LPCAT1: variants seen among roughly 807,000 people sequenced by gnomAD.
LPCAT1 encodes 1-acylglycerol-3-phosphate O-acyltransferase.
LPCAT1 carries 23 observed loss-of-function variants against 60.9 expected under a neutral mutation model. The observed-to-expected ratio is 0.38, with a 90% CI of 0.27 to 0.53. LPCAT1 has a LOEUF of 0.53. Ranked by LOEUF, LPCAT1 falls within the 20% of genes least tolerant of loss-of-function variation. The pLI is 0.82. For missense variants in LPCAT1, 622 were observed against 723.6 expected, an observed-to-expected ratio of 0.86 and a Z score of 1.61; for synonymous variants, 340 against 301.1, an observed-to-expected ratio of 1.13 and a Z score of -1.34.
At chr5:1,466,020 G>A (rs1401414294) in intron 13 of LPCAT1, among the ~76,000 whole-genome samples, 1 of 152,142 alleles carries the variant, frequency 6.6e-6, no homozygotes, top group Non-Finnish European at 1.5e-5. Context: ...GCTCTCTCGC[G>A]TGTCTTCTCG....
chr5:1,510,574 T>C (rs947876512), intron 1 of LPCAT1, among the ~76,000 whole-genome samples: 2 of 152,240 alleles, frequency 1.3e-5, no homozygotes, highest in East Asian at 3.8e-4. Flanking sequence ...CTGCACGGTG[T>C]TGAATGGGAT....
rs1736757918 is a variant in LPCAT1 at position 1,523,945 on chromosome 5, C to A, written c.-101G>T. On this transcript the variant is annotated 5_prime_UTR_variant, in exon 1 of 14. Coordinates refer to ENST00000283415, the MANE Select transcript of LPCAT1 (RefSeq NM_024830.5). The surrounding 1 kb of genome is among the most constrained non-coding windows in gnomAD (Gnocchi z 7.1). ...TCTCGGGGCGCGGGCCGAGGATGCG[C>A]GGCGGCTGGAGCGGGCCGGGCGCGC... The A allele has an allele frequency of 8.1e-6, 7 of 861,598 alleles. No homozygotes were observed. The highest frequency in any genetic ancestry group is 9.8e-6 in the Non-Finnish European group (7 of 715,918). 53.4% of individuals were successfully genotyped at this position (861,598 alleles called of 1,614,324 possible).
intron 13 of LPCAT1, among the ~76,000 whole-genome samples, chr5:1,465,305 C>T (rs1476426325): frequency 5.4e-5 from 7 of 129,682 alleles, no homozygotes; most frequent in African/African-American, 2.3e-4. Flanking sequence ...AACACATGTG[C>T]GCGCACACAC....
chr5:1,502,718 G>GAGACAC lies in LPCAT1; in HGVS notation c.136-1121_136-1116dup, dbSNP rs1736063764. Among the ~76,000 whole-genome samples the GAGACAC allele has an allele frequency of 1.3e-5, 2 of 152,098 alleles. No homozygotes were observed. The highest frequency in any genetic ancestry group is 4.8e-5 in the African/African-American group (2 of 41,408). On this transcript the variant is annotated intron_variant, in intron 1 of 13. Transcript: ENST00000283415. The surrounding 1 kb of genome is among the most constrained non-coding windows in gnomAD (Gnocchi z 5.5). ...TAGTGCAGAGACAGAAAAGACCCAG[G>GAGACAC]AGACACAGATCGCAGTTGGCTCCCC... is the stretch of plus-strand genomic sequence containing the variant.
At position 1,480,965 on chromosome 5, in the gene LPCAT1, T is replaced by C. The variant is rs751479027; in HGVS notation, c.738A>G (p.Thr246=). 5 of 1,613,794 alleles carry C rather than the reference T, an allele frequency of 3.1e-6. No homozygotes were observed. The highest frequency in any genetic ancestry group is 2.5e-6 in the Non-Finnish European group (3 of 1,179,998). ...ACGCTCCAGGTCCTTGCCACGTCCA[T>C]GTGATGGTGTCCTGGGGAGGAAGAG... ...LRYPNKLDTI[T]WTWQGPGALE... Residue 246 remains threonine, a synonymous_variant, in exon 7 of 14, where the codon ACA becomes ACG. Transcript: ENST00000283415. This position sits in a 1 kb window ranked among gnomAD's most constrained non-coding sequence, Gnocchi z 6.4.
rs1033475800 is a variant in LPCAT1 at position 1,496,028 on chromosome 5, G to T, written c.279-1114C>A. ...CTAGAGGAGGGGGGATTACACAGGT[G>T]TGCACTTCTTCACCACCTGTTCAGC... On this transcript the variant is annotated intron_variant, in intron 2 of 13. Coordinates refer to ENST00000283415, the MANE Select transcript of LPCAT1 (RefSeq NM_024830.5). This position sits in a 1 kb window ranked among gnomAD's most constrained non-coding sequence, Gnocchi z 4.7. 5.9e-5 allele frequency among the ~76,000 whole-genome samples: 9 copies of T among 152,192 alleles called. No homozygotes were observed. The highest frequency in any genetic ancestry group is 1.2e-4 in the Non-Finnish European group (8 of 68,046).
chr5:1,488,278 C>T, intron 5 of LPCAT1, 113 bp downstream of exon 5: 1 of 628,872 alleles, frequency 1.6e-6, no homozygotes, highest in Non-Finnish European at 2.7e-6. Flanking sequence ...AACCCCAGCA[C>T]ACAGGATAAA....
intron 1 of LPCAT1, among the ~76,000 whole-genome samples, chr5:1,504,408 T>C (rs1045731198): frequency 6.6e-6 from 1 of 152,244 alleles, no homozygotes; most frequent in African/African-American, 2.4e-5. Flanking sequence ...TGCACAAGCC[T>C]GGCTCTGCTG....
In LPCAT1 at chr5:1,487,145, C is replaced by T. The variant is rs1048396373; in HGVS notation, c.667+1246G>A. The stretch of plus-strand genomic sequence containing the variant: ...ACAGGGCCCAGCAGTGACCCCAGCC[C>T]CACACCTTGTCAAGGAACAAGACCT... On this transcript the variant is annotated intron_variant, in intron 5 of 13. Coordinates refer to ENST00000283415, the MANE Select transcript of LPCAT1 (RefSeq NM_024830.5). The surrounding 1 kb of genome is among the most constrained non-coding windows in gnomAD (Gnocchi z 6.1). 2.6e-5 allele frequency among the ~76,000 whole-genome samples: 4 copies of T among 152,232 alleles called. No homozygotes were observed. The highest frequency in any genetic ancestry group is 6.5e-5 in the Admixed American group (1 of 15,288).
At position 1,483,362 on chromosome 5, in the gene LPCAT1, G is replaced by A. The variant is rs889801; in HGVS notation, c.726+66C>T. The A allele has an allele frequency of 3.2e-3, 4,746 of 1,495,360 alleles. 110 individuals carry two copies. In the African/African-American group the frequency reaches 0.056, roughly 18 times the overall value. 92.6% of individuals were successfully genotyped at this position (1,495,360 alleles called of 1,614,324 possible). ...GAGACAGAGACACAGGTGCACAGAG[G>A]CAGCTCGCAGTTCCCGTTTCCCGGA... On this transcript the variant is annotated intron_variant, in intron 6 of 13. Coordinates refer to ENST00000283415, the MANE Select transcript of LPCAT1 (RefSeq NM_024830.5). The surrounding 1 kb of genome is among the most constrained non-coding windows in gnomAD (Gnocchi z 9.2).
intron 2 of LPCAT1, 58 bp downstream of exon 2, chr5:1,501,403 C>T: frequency 6.5e-7 from 1 of 1,548,126 alleles, no homozygotes; most frequent in South Asian, 1.2e-5. Context: ...AATGGGTTCC[C>T]ACTGTTTGGC....
intron 9 of LPCAT1, 129 bp from the exon 10 acceptor site, chr5:1,474,814 C>G (rs1421040590): frequency 8.2e-7 from 1 of 1,226,356 alleles, no homozygotes; most frequent in Non-Finnish European, 1.1e-6. Context: ...GGGGAAGGGC[C>G]AGTTGGTGGG....
intron 1 of LPCAT1, among the ~76,000 whole-genome samples, chr5:1,508,490 C>G (rs114538244): frequency 4.1e-4 from 63 of 152,160 alleles, no homozygotes; most frequent in African/African-American, 1.5e-3. Context: ...CAGGGAGGGA[C>G]GGCCCTGTGA....
chr5:1,519,443 G>C (rs1184486407), intron 1 of LPCAT1, among the ~76,000 whole-genome samples: 5 of 152,168 alleles, frequency 3.3e-5, no homozygotes, highest in Admixed American at 3.3e-4. Flanking sequence ...TTCCCATTTT[G>C]CAAAGTTAAC....
chr5:1,464,474 G>C (rs1219139623), intron 13 of LPCAT1, among the ~76,000 whole-genome samples: 2 of 151,498 alleles, frequency 1.3e-5, no homozygotes, highest in African/African-American at 4.8e-5. Context: ...GCAGCTGGTC[G>C]GTGCCCACTA....
intron 8 of LPCAT1, among the ~76,000 whole-genome samples, chr5:1,478,195 C>T (rs914338055): frequency 6.6e-6 from 1 of 152,262 alleles, no homozygotes; most frequent in Non-Finnish European, 1.5e-5. Context: ...GTGACACTTA[C>T]ACAGCATTTT....
chr5:1,494,239 T>C (rs1001114313), intron 3 of LPCAT1, among the ~76,000 whole-genome samples: 1 of 152,224 alleles, frequency 6.6e-6, no homozygotes. Flanking sequence ...TGAGCCACCC[T>C]TGCCAAGCAG....
rs955857436 is a variant in LPCAT1, at chr5:1,523,302, G to A, written c.135+408C>T. On this transcript the variant is annotated intron_variant, in intron 1 of 13. Transcript: ENST00000283415. The surrounding 1 kb of genome is among the most constrained non-coding windows in gnomAD (Gnocchi z 7.1). ...GGCCTGCCAAGGCGGGCGGGGCCCG[G>A]ACCAGGGACGAGCGCGGGGACCGGC... Among the ~76,000 whole-genome samples the A allele has an allele frequency of 6.6e-6, 1 of 151,944 alleles. No homozygotes were observed. Among genetic ancestry groups the A allele is most frequent in the Non-Finnish European group, 1.5e-5 (1 of 67,958 alleles).
intron 1 of LPCAT1, among the ~76,000 whole-genome samples, chr5:1,509,593 G>A (rs1256552962): frequency 2.6e-5 from 4 of 152,146 alleles, no homozygotes; most frequent in Non-Finnish European, 1.5e-5. Context: ...GGGAGCTTCG[G>A]GAATCACCCA....
Sources: allele counts gnomAD v4.1 joint callset (sites outside exome capture counted in the v4.1 genomes callset), GRCh38; gene constraint gnomAD v4.1.1; non-coding constraint Gnocchi (gnomAD v3.1); transcripts MANE v1.5; gene names NCBI Gene and HGNC (gene_info 2026-07-23, HGNC 2026-07-21).